The following DHX37 variants were observed in gnomAD, a reference collection of about 807,000 sequenced individuals.
The protein encoded by DHX37 is probable ATP-dependent RNA helicase DHX37.
Under a neutral mutation model 134.3 loss-of-function variants are expected in DHX37, and 52 were observed. That is an observed-to-expected ratio of 0.39 (90% CI 0.31 to 0.49). The LOEUF (loss-of-function observed/expected upper bound fraction) is 0.49, where lower values mean the gene tolerates loss of function less well. Among genes scored for constraint, DHX37 ranks in the 20% least tolerant of loss-of-function variants. DHX37 has a pLI of 0.93. For missense variants in DHX37, 1,344 were observed against 1,580.8 expected (o/e 0.85, Z 2.54); for synonymous variants, 634 against 670.7 (o/e 0.95, Z 0.85).
chr12:124,949,923 G>T lies in DHX37; in HGVS notation c.3290+63C>A. On this transcript the variant is annotated intron_variant, in intron 25 of 26. Transcript: ENST00000308736. The surrounding 1 kb of genome is among the most constrained non-coding windows in gnomAD (Gnocchi z 4.0). The stretch of plus-strand genomic sequence containing the variant: ...TGTGGTGCTTTGTCCTGGCAGCCCC[G>T]GGGAGGTCATTCAGGCCTCGGACCC... 1 of 1,510,530 alleles carries T rather than the reference G, an allele frequency of 6.6e-7. No homozygotes were observed. The highest frequency in any genetic ancestry group is 9.0e-7 in the Non-Finnish European group (1 of 1,109,680). The allele number at this position is 1,510,530 out of a possible 1,614,324, so 93.6% of individuals were successfully genotyped here. A position where few individuals can be genotyped will look rare whatever the true frequency, so the allele number is the denominator to read the frequency against.
At chr12:124,959,073 C>CT (rs1188884814) in intron 16 of DHX37, among the ~76,000 whole-genome samples, 27,913 of 115,552 alleles carry the variant, frequency 0.24, 4,177 homozygotes, top group East Asian at 0.55. Flanking sequence ...CCACACCTGG[C>CT]TTTTTTTTTT....
At chr12:124,964,872 C>A in intron 14 of DHX37, 58 bp downstream of exon 14, 1 of 1,530,122 alleles carries the variant, frequency 6.5e-7, no homozygotes, top group South Asian at 1.2e-5. Flanking sequence ...CTTGACCAAC[C>A]CCACTGTAAT....
Position 124,980,984 on chromosome 12 carries a change from C to T in DHX37, c.390-146G>A. The T allele has an allele frequency of 1.2e-6, 1 of 851,792 alleles. No homozygotes were observed. Among genetic ancestry groups the T allele is most frequent in the Non-Finnish European group, 1.8e-6 (1 of 565,632 alleles). The allele number at this position is 851,792 out of a possible 1,614,324, so 52.8% of individuals were successfully genotyped here. On this transcript the variant is annotated intron_variant, in intron 3 of 26. Coordinates refer to ENST00000308736, the MANE Select transcript of DHX37 (RefSeq NM_032656.4). This position sits in a 1 kb window ranked among gnomAD's most constrained non-coding sequence, Gnocchi z 5.3. Reference sequence around the variant, plus strand: ...TGCCCTTCCTGCAGATACCTCCTCTCACTCCACTTAAGCCTCTGCTTAAGC... The same window carrying T: ...TGCCCTTCCTGCAGATACCTCCTCTTACTCCACTTAAGCCTCTGCTTAAGC...
At chr12:124,948,046 C>T in intron 26 of DHX37, 38 bp downstream of exon 26, 1 of 1,614,218 alleles carries the variant, frequency 6.2e-7, no homozygotes. Flanking sequence ...GTGACCCCAT[C>T]CTGTCTACTC....
chr12:124,985,958 T>G lies in DHX37; in HGVS notation c.276+138A>C, dbSNP rs534649200. 1.7e-5 allele frequency: 18 copies of G among 1,032,900 alleles called. No homozygotes were observed. In the African/African-American group the frequency reaches 2.7e-4, roughly 16 times the overall value. The allele number at this position is 1,032,900 out of a possible 1,614,324, so 64.0% of individuals were successfully genotyped here. Reference sequence around the variant, plus strand: ...AATATGTGGTTAGTGGCTACCGCACTGGACCATGCACTGGAATTTTCCTCA... The same window carrying G: ...AATATGTGGTTAGTGGCTACCGCACGGGACCATGCACTGGAATTTTCCTCA... On this transcript the variant is annotated intron_variant, in intron 2 of 26. Transcript: ENST00000308736.
chr12:124,973,509 G>A (rs930870192), intron 6 of DHX37, among the ~76,000 whole-genome samples: 3 of 151,850 alleles, frequency 2.0e-5, no homozygotes, highest in South Asian at 2.1e-4. Flanking sequence ...TGGGGGGGAG[G>A]GGGGCCAGGA....
Position 124,989,082 on chromosome 12 carries a change from G to T in DHX37, c.-60C>A. The T allele has an allele frequency of 8.6e-7, 1 of 1,161,922 alleles. No individual in the cohort carries two copies. The allele number at this position is 1,161,922 out of a possible 1,614,324, so 72.0% of individuals were successfully genotyped here. On this transcript the variant is annotated 5_prime_UTR_variant, in exon 1 of 27. In the 5' UTR this introduces an upstream ATG that the reference lacks. Coordinates refer to ENST00000308736, the MANE Select transcript of DHX37 (RefSeq NM_032656.4). ...GACCAGCAGAGCAATCCGAAACCCA[G>T]CCCACGTGGGTTCCCAGACCACCAA... is the stretch of plus-strand genomic sequence containing the variant.
chr12:124,979,656 A>T lies in DHX37; in HGVS notation c.738+834T>A, dbSNP rs75222496. Among the ~76,000 whole-genome samples, 1,227 of 152,348 alleles carry T rather than the reference A, an allele frequency of 8.1e-3. 20 individuals are homozygous for T. The highest frequency in any genetic ancestry group is 0.028 in the African/African-American group (1,178 of 41,582). On this transcript the variant is annotated intron_variant, in intron 4 of 26. Coordinates refer to ENST00000308736, the MANE Select transcript of DHX37 (RefSeq NM_032656.4). ...GCTTAGGAATATGGACAGGATACGA[A>T]TAGGGAAAAATTCACAAAGAAAAGC...
intron 16 of DHX37, among the ~76,000 whole-genome samples, chr12:124,959,326 G>T (rs1194162411): frequency 6.6e-6 from 1 of 152,046 alleles, no homozygotes; most frequent in African/African-American, 2.4e-5. Flanking sequence ...ACCTGCCTCG[G>T]CCTTCCAAAG....
intron 1 of DHX37, among the ~76,000 whole-genome samples, chr12:124,986,730 A>C (rs183579800): frequency 0.021 from 3,239 of 151,758 alleles, 65 homozygotes; most frequent in Non-Finnish European, 0.03. Flanking sequence ...AAAACCCCCC[A>C]AAAAATACTA....
At chr12:124,950,852 G>A (rs755946339) in intron 21 of DHX37, 48 bp from the exon 22 acceptor site, 1 of 1,526,976 alleles carries the variant, frequency 6.5e-7, no homozygotes, top group South Asian at 1.3e-5. Context: ...CCATGCCCAG[G>A]GGCTCCGCAT....
chr12:124,971,744 A>T (rs1172699079), intron 7 of DHX37, among the ~76,000 whole-genome samples: 2 of 152,128 alleles, frequency 1.3e-5, no homozygotes, highest in African/African-American at 4.8e-5. Flanking sequence ...CCCCTGGGAG[A>T]TTGGCCCTGC....
rs981532509 is a variant in DHX37, at chr12:124,949,257, G to A, written c.3290+729C>T. Among the ~76,000 whole-genome samples the A allele has an allele frequency of 3.3e-4, 50 of 152,296 alleles. No individual in the cohort carries two copies. Among genetic ancestry groups the A allele is most frequent in the Middle Eastern group, 3.4e-3 (1 of 294 alleles). ...CTGACAGCCCAGCAGCGGGTGCTGT[G>A]CCCCACGCCCCATCTCGAGTCCCTG... On this transcript the variant is annotated intron_variant, in intron 25 of 26. Transcript: ENST00000308736. This position sits in a 1 kb window ranked among gnomAD's most constrained non-coding sequence, Gnocchi z 4.0.
chr12:124,966,842 A>AT lies in DHX37; in HGVS notation c.1540dup (p.Met514AsnfsTer5). 1 of 1,614,092 alleles carries AT rather than the reference A, an allele frequency of 6.2e-7. No individual in the cohort carries two copies. The highest frequency in any genetic ancestry group is 8.5e-7 in the Non-Finnish European group (1 of 1,180,004). The stretch of plus-strand genomic sequence containing the variant: ...GGCCCTTGACTTCTTAAACTTCCGC[A>AT]TTTCCTCCACCGAGTCTTTCTGATC... On this transcript the variant is annotated frameshift_variant, in exon 12 of 27. Transcript: ENST00000308736. LOFTEE classifies it high-confidence loss of function.
intron 5 of DHX37, among the ~76,000 whole-genome samples, chr12:124,976,493 C>G (rs190486060): frequency 1.1e-4 from 17 of 152,268 alleles, no homozygotes; most frequent in Admixed American, 9.8e-4. Flanking sequence ...GGGTGGATCA[C>G]ATGAGGTCAG....
Position 124,977,610 on chromosome 12 carries a change from G to T in DHX37, c.739-120C>A, listed in dbSNP as rs989940091. The stretch of plus-strand genomic sequence containing the variant: ...CAGATGTGCCTGCTGGGGAACAGAG[G>T]CCCTGACAGCTGGGGAGGGGACCAG... On this transcript the variant is annotated intron_variant, in intron 4 of 26. Coordinates refer to ENST00000308736, the MANE Select transcript of DHX37 (RefSeq NM_032656.4). The T allele has an allele frequency of 4.1e-6, 5 of 1,214,334 alleles. No homozygotes were observed. The African/African-American group carries it at 6.2e-5, about 15-fold the overall frequency. 75.2% of individuals were successfully genotyped at this position (1,214,334 alleles called of 1,614,324 possible).
chr12:124,963,239 G>A (rs1256628982), intron 15 of DHX37, among the ~76,000 whole-genome samples: 1 of 152,228 alleles, frequency 6.6e-6, no homozygotes, highest in East Asian at 1.9e-4. Flanking sequence ...GAGCGGCAGA[G>A]GCCAGACACG....
rs567104180 is a variant in DHX37, at chr12:124,985,905, A to G, written c.276+191T>C. On this transcript the variant is annotated intron_variant, in intron 2 of 26. Coordinates refer to ENST00000308736, the MANE Select transcript of DHX37 (RefSeq NM_032656.4). The stretch of plus-strand genomic sequence containing the variant: ...CAGTTCAGTTCAGTTCCTCTGCCAT[A>G]GTAGCTGCATTTCAAGTGCTCAACA... Among the ~76,000 whole-genome samples, 13 of 151,954 alleles carry G rather than the reference A, an allele frequency of 8.6e-5. 1 individual carries two copies. Among genetic ancestry groups the G allele is most frequent in the African/African-American group, 3.1e-4 (13 of 41,450 alleles).
At position 124,971,368 on chromosome 12, in the gene DHX37, G is replaced by A. The variant is rs770556411; in HGVS notation, c.1125C>T (p.His375=). The A allele has an allele frequency of 9.3e-6, 15 of 1,613,326 alleles. No individual in the cohort carries two copies. The highest frequency in any genetic ancestry group is 1.7e-4 in the Middle Eastern group (1 of 5,938). The change falls in exon 8 of 27, where the codon CAC becomes CAT. Residue 375 remains histidine (H), a synonymous_variant. Transcript: ENST00000308736. The part of the protein sequence containing the change: ...RYKVVIIDEA[H]ERSVYTDILI... Reference sequence around the variant, plus strand: ...GGATGTCCGTGTACACGCTCCTCTCGTGGGCCTCGTCGATGATCACCACCT... The same window carrying A: ...GGATGTCCGTGTACACGCTCCTCTCATGGGCCTCGTCGATGATCACCACCT...
Sources: allele counts gnomAD v4.1 joint callset (sites outside exome capture counted in the v4.1 genomes callset), GRCh38; gene constraint gnomAD v4.1.1; non-coding constraint Gnocchi (gnomAD v3.1); transcripts MANE v1.5; gene names NCBI Gene and HGNC (gene_info 2026-07-23, HGNC 2026-07-21).